The following NEK11 variants were observed in gnomAD, a reference collection of about 807,000 sequenced individuals.
The protein encoded by NEK11 is NIMA related kinase 11.
A neutral mutation model predicts 80.7 loss-of-function variants in NEK11; 72 were observed. The observed-to-expected ratio is 0.89, with a 90% CI of 0.74 to 1.08. The LOEUF (loss-of-function observed/expected upper bound fraction) is 1.08, where lower values mean the gene tolerates loss of function less well. Among genes scored for constraint, NEK11 ranks in the 50% least tolerant of loss-of-function variants. NEK11 has a pLI of 0.00. For synonymous variants in NEK11, 251 were observed against 260.7 expected (o/e 0.96, Z 0.36); for missense variants, 764 against 763.6 (o/e 1.00, Z -0.01).
At chr3:131,307,493 G>A (rs72991594) in intron 17 of NEK11, among the ~76,000 whole-genome samples, 18,020 of 152,214 alleles carry the variant, frequency 0.12, 1,508 homozygotes, top group East Asian at 0.3. Flanking sequence ...AGTTATCTGA[G>A]AGACATTTAT....
intron 17 of NEK11, among the ~76,000 whole-genome samples, chr3:131,336,673 G>C (rs1397886382): frequency 6.6e-6 from 1 of 152,156 alleles, no homozygotes; most frequent in Non-Finnish European, 1.5e-5. Flanking sequence ...CTATCAGAGT[G>C]AACAGGCAAC....
chr3:131,053,840 C>T (rs545261604), intron 3 of NEK11: 1 of 152,312 alleles, frequency 6.6e-6, no homozygotes, highest in East Asian at 1.9e-4. Flanking sequence ...ATGGGATATG[C>T]TTTAAATATT....
intron 14 of NEK11, among the ~76,000 whole-genome samples, chr3:131,226,488 C>A (rs566822226): frequency 6.6e-6 from 1 of 152,220 alleles, no homozygotes; most frequent in South Asian, 2.1e-4. Flanking sequence ...TGCAATACTA[C>A]TCAGCCATTA....
chr3:131,033,717 CA>C, intron 3 of NEK11, among the ~76,000 whole-genome samples: 1 of 152,330 alleles, frequency 6.6e-6, no homozygotes, highest in South Asian at 2.1e-4. Context: ...CCTTTAATTA[CA>C]ATGTAAATAC....
Position 131,219,556 on chromosome 3 carries a change from C to CAA in NEK11, c.1400-8961_1400-8960dup, listed in dbSNP as rs11455146. On this transcript the variant is annotated intron_variant, in intron 14 of 17. Transcript: ENST00000383366. ...CATGTATCCCCAAACTTAAAGTATACAAAAAAAAAAAAGAGGAATAAGAGA... is the reference window on the plus strand; with the variant it reads ...CATGTATCCCCAAACTTAAAGTATACAAAAAAAAAAAAAAGAGGAATAAGAGA... Among the ~76,000 whole-genome samples, 523 of 143,946 alleles carry CAA rather than the reference C, an allele frequency of 3.6e-3. 1 individual carries two copies. Among genetic ancestry groups the CAA allele is most frequent in the Middle Eastern group, 7.1e-3 (2 of 282 alleles). The allele number at this position is 143,946 out of a possible 152,430, so 94.4% of individuals were successfully genotyped here. A position where few individuals can be genotyped will look rare whatever the true frequency, so the allele number is the denominator to read the frequency against.
chr3:131,344,392 G>T (rs1411069066), intron 17 of NEK11, among the ~76,000 whole-genome samples: 1 of 152,118 alleles, frequency 6.6e-6, no homozygotes, highest in Non-Finnish European at 1.5e-5. Context: ...CAGCATTTTG[G>T]TCACAACCAT....
intron 12 of NEK11, among the ~76,000 whole-genome samples, chr3:131,166,449 A>G (rs2092244808): frequency 6.6e-6 from 1 of 152,138 alleles, no homozygotes; most frequent in Non-Finnish European, 1.5e-5. Context: ...TTTAAGGGGG[A>G]GATCTGCCAG....
chr3:131,248,844 A>T (rs1318427561), intron 16 of NEK11, among the ~76,000 whole-genome samples: 1 of 152,086 alleles, frequency 6.6e-6, no homozygotes, highest in Non-Finnish European at 1.5e-5. Flanking sequence ...TTAGATGCAG[A>T]CCCTGTTCTT....
chr3:131,255,666 AC>A (rs1240979968), intron 16 of NEK11, among the ~76,000 whole-genome samples: 1 of 152,082 alleles, frequency 6.6e-6, no homozygotes, highest in Non-Finnish European at 1.5e-5. Flanking sequence ...TCCCCTCCCG[AC>A]TGCTTGGCAG....
At chr3:131,287,978 T>G (rs763706158) in intron 17 of NEK11, among the ~76,000 whole-genome samples, 4 of 152,200 alleles carry the variant, frequency 2.6e-5, no homozygotes, top group Non-Finnish European at 4.4e-5. Context: ...TGTCCAATAT[T>G]CATAAAAAAC....
intron 17 of NEK11, among the ~76,000 whole-genome samples, chr3:131,278,234 T>C (rs781728664): frequency 6.6e-5 from 10 of 152,196 alleles, no homozygotes; most frequent in Non-Finnish European, 1.3e-4. Context: ...ACTCCATAAA[T>C]GAAACTCCCC....
At chr3:131,074,213 G>C (rs1023102565) in intron 3 of NEK11, among the ~76,000 whole-genome samples, 1 of 152,078 alleles carries the variant, frequency 6.6e-6, no homozygotes, top group Non-Finnish European at 1.5e-5. Context: ...CAAATGAAGA[G>C]AGTCCTTCAG....
Position 131,029,606 on chromosome 3 carries a change from C to T in NEK11, c.-96-7C>T. The stretch of plus-strand genomic sequence containing the variant: ...TAGACCTGATCTTTTAACTTTTCAT[C>T]TTTAAGGAACTGACCAACACTGGAT... On this transcript the variant is annotated splice_region_variant and splice_polypyrimidine_tract_variant and intron_variant, in intron 2 of 17. Transcript: ENST00000383366. The T allele has an allele frequency of 8.6e-7, 1 of 1,165,072 alleles. No individual in the cohort carries two copies. The highest frequency in any genetic ancestry group is 1.5e-5 in the South Asian group (1 of 65,958). 72.2% of individuals were successfully genotyped at this position (1,165,072 alleles called of 1,614,324 possible). A position where few individuals can be genotyped will look rare whatever the true frequency, so the allele number is the denominator to read the frequency against.
At chr3:131,321,050 C>A (rs758538838) in intron 17 of NEK11, among the ~76,000 whole-genome samples, 30 of 152,066 alleles carry the variant, frequency 2.0e-4, no homozygotes, top group Non-Finnish European at 3.2e-4. Context: ...CCAAAGCAAT[C>A]CTAAGCAAAA....
chr3:131,309,530 G>C (rs2096756137), intron 17 of NEK11, among the ~76,000 whole-genome samples: 1 of 152,012 alleles, frequency 6.6e-6, no homozygotes, highest in Non-Finnish European at 1.5e-5. Context: ...GTCCCAAACA[G>C]TGATGTTTCA....
chr3:131,228,812 C>T, intron 15 of NEK11, 124 bp downstream of exon 15: 1 of 933,136 alleles, frequency 1.1e-6, no homozygotes, highest in Non-Finnish European at 1.5e-6. Flanking sequence ...ATTATAATAG[C>T]TACTTGTGGT....
chr3:131,052,380 A>G (rs1161565549), intron 3 of NEK11, among the ~76,000 whole-genome samples: 3 of 152,176 alleles, frequency 2.0e-5, no homozygotes, highest in Non-Finnish European at 2.9e-5. Context: ...CAAACATGCC[A>G]CTATTTCTTG....
chr3:131,285,650 CTT>C (rs1265350498), intron 17 of NEK11, among the ~76,000 whole-genome samples: 9 of 152,224 alleles, frequency 5.9e-5, no homozygotes, highest in Middle Eastern at 3.2e-3. Flanking sequence ...GCAAAACAAA[CTT>C]TTCTCATGCG....
rs1201878359 is a variant in NEK11, at chr3:131,097,883, A to G, written c.337-11920A>G. Among the ~76,000 whole-genome samples, 5 of 144,794 alleles carry G rather than the reference A, an allele frequency of 3.5e-5. 1 individual carries two copies. Among genetic ancestry groups the G allele is most frequent in the African/African-American group, 1.2e-4 (5 of 40,390 alleles). 95.0% of individuals were successfully genotyped at this position (144,794 alleles called of 152,430 possible). ...AAGCCAAAAGAACAAAGCTGGAGGC[A>G]TCACGCTACCTGACTTCAAACTATA... is the stretch of plus-strand genomic sequence containing the variant. On this transcript the variant is annotated intron_variant, in intron 4 of 17. Transcript: ENST00000383366.
Sources: gnomAD v4.1 joint callset for allele counts (sites outside exome capture counted in the v4.1 genomes callset) on GRCh38, gnomAD v4.1.1 for gene constraint, MANE v1.5 for transcripts, NCBI Gene and HGNC (gene_info 2026-07-23, HGNC 2026-07-21) for gene names.